Variants in HMGCS2 observed in about 807,000 individuals in gnomAD.
The protein encoded by HMGCS2 is hydroxymethylglutaryl-CoA synthase, mitochondrial.
Under a neutral mutation model 57.4 loss-of-function variants are expected in HMGCS2, and 50 were observed. The ratio of observed to expected loss-of-function variants is 0.87; its 90% confidence interval spans 0.69 to 1.10. The LOEUF is 1.10. Ranked by LOEUF, HMGCS2 falls within the 50% of genes least tolerant of loss-of-function variation. The probability of loss-of-function intolerance (pLI) is 0.00; values close to 1 mark genes in which losing one functional copy is unlikely to be tolerated. For missense variants in HMGCS2, 627 were observed against 636.5 expected (o/e 0.99, Z 0.16); for synonymous variants, 254 against 245.1 (o/e 1.04, Z -0.34).
intron 3 of HMGCS2, 130 bp from the exon 4 acceptor site, chr1:119,759,412 A>T: frequency 1.2e-6 from 1 of 863,952 alleles, no homozygotes; most frequent in East Asian, 2.6e-5. Flanking sequence ...AAGCCCATTC[A>T]ACATCCCTTG....
chr1:119,764,902 T>A (rs1653167885), intron 1 of HMGCS2, among the ~76,000 whole-genome samples: 1 of 152,216 alleles, frequency 6.6e-6, no homozygotes, highest in Admixed American at 6.5e-5. Flanking sequence ...CCATGGTACA[T>A]CTTTTTCTGT....
chr1:119,758,744 C>A (rs1045962534), intron 4 of HMGCS2, among the ~76,000 whole-genome samples: 4 of 152,206 alleles, frequency 2.6e-5, no homozygotes, highest in Non-Finnish European at 2.9e-5. Context: ...GATGGTAAAC[C>A]ACAAACCAAG....
chr1:119,768,410 C>T (rs961468261), intron 1 of HMGCS2, among the ~76,000 whole-genome samples: 1 of 152,118 alleles, frequency 6.6e-6, no homozygotes, highest in Non-Finnish European at 1.5e-5. Flanking sequence ...TAGGCAGAGG[C>T]TAGGGGTGAA....
chr1:119,759,821 G>C, intron 3 of HMGCS2, 43 bp downstream of exon 3: 1 of 1,611,626 alleles, frequency 6.2e-7, no homozygotes, highest in South Asian at 1.1e-5. Context: ...CTATGTTCTT[G>C]GCTATGCCAT....
rs1652807016 is a variant in HMGCS2, at chr1:119,755,524, A to T, written c.1090T>A (p.Phe364Ile). ...AGGGAAGCCTTGGTTTTCTTGTCGA[A>T]CATGTCCTGAGAGGCCTTTAGAAGT... ...KALLKASQDM[F>I]DKKTKASLYL... Residue 364 changes from phenylalanine to isoleucine, a missense_variant, in exon 6 of 10, where the codon TTC becomes ATC. Phe to Ile is a conservative substitution (Grantham distance 21). Transcript: ENST00000369406. 3 of 1,614,086 alleles carry T rather than the reference A, an allele frequency of 1.9e-6. No homozygotes were observed. In the East Asian group the frequency reaches 6.7e-5, roughly 36 times the overall value.
At chr1:119,751,216 T>C (rs587768445) in intron 8 of HMGCS2, among the ~76,000 whole-genome samples, 25 of 152,370 alleles carry the variant, frequency 1.6e-4, no homozygotes, top group Admixed American at 8.5e-4. Context: ...CTTTTGCCAA[T>C]AGTTCCTACT....
intron 3 of HMGCS2, among the ~76,000 whole-genome samples, 157 bp downstream of exon 3, chr1:119,759,707 C>A (rs186256103): frequency 6.6e-6 from 1 of 152,196 alleles, no homozygotes; most frequent in Non-Finnish European, 1.5e-5. Flanking sequence ...TTTCTCCTCT[C>A]CTCCCTCTGC....
chr1:119,758,946 T>TCCAAATG (rs1224384460), intron 4 of HMGCS2, among the ~76,000 whole-genome samples, 172 bp downstream of exon 4: 2 of 152,240 alleles, frequency 1.3e-5, no homozygotes, highest in Admixed American at 1.3e-4. Flanking sequence ...TTGAATGACT[T>TCCAAATG]CCAAATGGAT....
chr1:119,749,559 C>T (rs1399480434), intron 9 of HMGCS2, among the ~76,000 whole-genome samples: 1 of 152,192 alleles, frequency 6.6e-6, no homozygotes, highest in East Asian at 1.9e-4. Context: ...TGAGCTCGTC[C>T]TCTCAAAGGC....
chr1:119,755,360 C>G (rs1240429689), intron 6 of HMGCS2, 67 bp downstream of exon 6: 21 of 1,497,902 alleles, frequency 1.4e-5, no homozygotes, highest in Non-Finnish European at 2.0e-5. Flanking sequence ...CTTTGTTGAC[C>G]CTGCAGCCCA....
At chr1:119,757,178 C>G (rs1159716725) in intron 5 of HMGCS2, 95 bp downstream of exon 5, 5 of 1,602,166 alleles carry the variant, frequency 3.1e-6, no homozygotes, top group South Asian at 1.1e-5. Context: ...ATTTGTCCCC[C>G]ACAGGGGTGC....
chr1:119,756,546 C>T lies in HMGCS2; in HGVS notation c.1016+727G>A, dbSNP rs1478309316. ...CCTATTCTACTGTTGATAAAATTGA[C>T]CAAAATTTGAAATAAACAGGTACCA... On this transcript the variant is annotated intron_variant, in intron 5 of 9. Transcript: ENST00000369406. Among the ~76,000 whole-genome samples the T allele has an allele frequency of 2.0e-5, 3 of 151,976 alleles. No individual in the cohort carries two copies. The East Asian group carries it at 5.8e-4, about 29-fold the overall frequency.
chr1:119,764,383 G>A lies in HMGCS2; in HGVS notation c.348C>T (p.Arg116=), dbSNP rs146073837. The change falls in exon 2 of 10, where the codon CGC becomes CGT. Residue 116 remains arginine (R), a synonymous_variant. Transcript: ENST00000369406. ...CCACAGAGTCCCATGGGAGCTGTAT[G>A]CGCTCCATCAGCCGTTGCACCACCG... The part of the protein sequence containing the change: ...CLTVVQRLME[R]IQLPWDSVGR... 7.4e-5 allele frequency: 120 copies of A among 1,614,126 alleles called. No individual in the cohort carries two copies. The highest frequency in any genetic ancestry group is 1.0e-4 in the Non-Finnish European group (118 of 1,180,036).
chr1:119,760,953 T>C (rs938885865), intron 2 of HMGCS2, among the ~76,000 whole-genome samples: 1 of 152,020 alleles, frequency 6.6e-6, no homozygotes, highest in Non-Finnish European at 1.5e-5. Flanking sequence ...AGGGTAAGGA[T>C]TCAGAGTCAG....
chr1:119,757,515 T>G (rs971828922), intron 4 of HMGCS2, 77 bp from the exon 5 acceptor site: 2 of 1,605,542 alleles, frequency 1.2e-6, no homozygotes, highest in African/African-American at 2.7e-5. Flanking sequence ...GATTTAACTG[T>G]GCCGAGTTTC....
In HMGCS2 at chr1:119,755,596, C is replaced by A; in HGVS notation, c.1018G>T (p.Gly340Trp). The change falls in exon 6 of 10, where the codon GGG becomes TGG. Residue 340 changes from glycine (G) to tryptophan (W), a missense_variant and splice_region_variant. Coordinates refer to ENST00000369406, the MANE Select transcript of HMGCS2 (RefSeq NM_005518.4). ...SLYKGLEAFG[G>W]LKLEDTYTNK... The stretch of plus-strand genomic sequence containing the variant: ...GTGTAGGTGTCTTCCAGCTTTAGCC[C>A]CCTGTGAGGTAGCCAGAGGTAGCCA... 6.2e-7 allele frequency: 1 copy of A among 1,613,978 alleles called. No individual in the cohort carries two copies. Among genetic ancestry groups the A allele is most frequent in the Non-Finnish European group, 8.5e-7 (1 of 1,179,940 alleles).
chr1:119,759,748 A>C, intron 3 of HMGCS2, 116 bp downstream of exon 3: 1 of 1,286,112 alleles, frequency 7.8e-7, no homozygotes, highest in South Asian at 1.2e-5. Flanking sequence ...AGAGGCAAGC[A>C]ATACCATCCT....
At chr1:119,759,680 C>T (rs181550917) in intron 3 of HMGCS2, among the ~76,000 whole-genome samples, 184 bp downstream of exon 3, 7 of 152,332 alleles carry the variant, frequency 4.6e-5, no homozygotes, top group Admixed American at 6.5e-5. Context: ...GGAAGCCTCG[C>T]GGATTCCCCT....
At position 119,764,407 on chromosome 1, in the gene HMGCS2, C is replaced by T. The variant is rs372251981; in HGVS notation, c.324G>A (p.Thr108=). The part of the protein sequence containing the change: ...VQEDINSLCL[T]VVQRLMERIQ... The stretch of plus-strand genomic sequence containing the variant: ...TGCGCTCCATCAGCCGTTGCACCAC[C>T]GTCAGGCACAGGGAGTTGATGTCCT... The change falls in exon 2 of 10, where the codon ACG becomes ACA. Residue 108 remains threonine (T), a synonymous_variant. Transcript: ENST00000369406. 54 of 1,614,132 alleles carry T rather than the reference C, an allele frequency of 3.3e-5. No homozygotes were observed. The highest frequency in any genetic ancestry group is 5.5e-5 in the South Asian group (5 of 91,092).
Sources: allele counts gnomAD v4.1 joint callset (sites outside exome capture counted in the v4.1 genomes callset), GRCh38; gene constraint gnomAD v4.1.1; transcripts MANE v1.5; gene names NCBI Gene and HGNC (gene_info 2026-07-23, HGNC 2026-07-21).